The following USP33 variants were observed in gnomAD, a reference collection of about 807,000 sequenced individuals.
USP33 encodes the protein ubiquitin specific peptidase 33, also known as ubiquitin carboxyl-terminal hydrolase 33.
In USP33, 46 loss-of-function variants were observed where a neutral mutation model predicts 124.2. That is an observed-to-expected ratio of 0.37 (90% CI 0.29 to 0.47). The LOEUF (loss-of-function observed/expected upper bound fraction) is 0.47. USP33 is among the 20% of genes least tolerant of loss of function. USP33 has a pLI of 0.99. For synonymous variants in USP33, 350 were observed against 352.3 expected (o/e 0.99, Z 0.07); for missense variants, 851 against 1,070.6 (o/e 0.79, Z 2.86).
At chr1:77,718,476 C>A in intron 16 of USP33, 120 bp downstream of exon 16, 4 of 803,226 alleles carry the variant, frequency 5.0e-6, no homozygotes, top group South Asian at 3.2e-5. Context: ...CTTAAAAAGG[C>A]ATGCATAGCA....
chr1:77,757,748 C>T (rs1680933665), intron 1 of USP33, among the ~76,000 whole-genome samples: 1 of 152,176 alleles, frequency 6.6e-6, no homozygotes, highest in Non-Finnish European at 1.5e-5. Context: ...TCAAAAGCTG[C>T]TTTGGCAACA....
At chr1:77,725,521 AATC>A in intron 11 of USP33, 98 bp downstream of exon 11, 1 of 1,443,024 alleles carries the variant, frequency 6.9e-7, no homozygotes. Flanking sequence ...TAAAAGATCA[AATC>A]ATATTTCATA....
chr1:77,711,774 T>C lies in USP33; in HGVS notation c.2379A>G (p.Arg793=). ...QIEAEKIEKR[R]KTELEIFIRL... is the part of the protein sequence containing the mutation. ...GAATAAAAATTTCCAATTCAGTTTT[T>C]CTTCTTTTTTCAATTTTCTCCGCCT... Residue 793 remains arginine, a synonymous_variant, in exon 21 of 24, where the codon AGA becomes AGG. Transcript: ENST00000370794. The C allele has an allele frequency of 6.2e-7, 1 of 1,609,412 alleles. No homozygotes were observed. The highest frequency in any genetic ancestry group is 8.5e-7 in the Non-Finnish European group (1 of 1,178,942).
intron 20 of USP33, among the ~76,000 whole-genome samples, chr1:77,712,438 G>A (rs557332391): frequency 2.1e-3 from 315 of 152,208 alleles, no homozygotes; most frequent in Middle Eastern, 0.014. Context: ...GCACAAAATC[G>A]CTTGAAACTG....
chr1:77,719,981 A>T (rs1484436647), intron 15 of USP33, among the ~76,000 whole-genome samples: 3 of 151,774 alleles, frequency 2.0e-5, no homozygotes, highest in African/African-American at 7.3e-5. Context: ...GGGCAACATG[A>T]CAAAACCCCA....
At chr1:77,716,522 G>A (rs1008455161) in intron 17 of USP33, among the ~76,000 whole-genome samples, 5 of 152,156 alleles carry the variant, frequency 3.3e-5, no homozygotes, top group Non-Finnish European at 5.9e-5. Flanking sequence ...AGTGAGACTC[G>A]CATTTATTCA....
chr1:77,724,738 A>C (rs1676966313), intron 11 of USP33, among the ~76,000 whole-genome samples: 1 of 152,184 alleles, frequency 6.6e-6, no homozygotes, highest in South Asian at 2.1e-4. Flanking sequence ...ACCAGTAGGT[A>C]AATAAACAGT....
intron 11 of USP33, among the ~76,000 whole-genome samples, chr1:77,724,919 G>A (rs1247805897): frequency 6.6e-6 from 1 of 152,072 alleles, no homozygotes; most frequent in Non-Finnish European, 1.5e-5. Flanking sequence ...GCGTGCACCT[G>A]TAGTCCCAGC....
At chr1:77,748,268 A>G (rs1679932081) in intron 1 of USP33, among the ~76,000 whole-genome samples, 2 of 152,168 alleles carry the variant, frequency 1.3e-5, no homozygotes, top group Non-Finnish European at 2.9e-5. Context: ...ACTGAATACA[A>G]ATGTGATCAT....
intron 21 of USP33, among the ~76,000 whole-genome samples, chr1:77,709,752 T>C (rs1185863403): frequency 6.6e-6 from 1 of 151,710 alleles, no homozygotes; most frequent in Non-Finnish European, 1.5e-5. Context: ...TAGATATAGA[T>C]ATCTATATAA....
intron 6 of USP33, among the ~76,000 whole-genome samples, chr1:77,734,852 A>G (rs939179322): frequency 2.6e-5 from 4 of 152,274 alleles, no homozygotes; most frequent in African/African-American, 9.6e-5. Context: ...TGCCGGGCGC[A>G]GTGGCTCACG....
chr1:77,728,897 A>G (rs116698924), intron 9 of USP33, among the ~76,000 whole-genome samples, 185 bp from the exon 10 acceptor site: 203 of 152,246 alleles, frequency 1.3e-3, no homozygotes, highest in African/African-American at 4.7e-3. Context: ...AAAGTTATGT[A>G]AATAAAAGTT....
In USP33 at chr1:77,723,283, A is replaced by G. The variant is rs768621232; in HGVS notation, c.1389+48T>C. ...CACATCATCTTGTCACATTTTTAAAAATCATTTGACACGAATTTTCTGTGT... is the reference window on the plus strand; with the variant it reads ...CACATCATCTTGTCACATTTTTAAAGATCATTTGACACGAATTTTCTGTGT... On this transcript the variant is annotated intron_variant, in intron 12 of 23. Coordinates refer to ENST00000370794, the MANE Select transcript of USP33 (RefSeq NM_201624.3). 27 of 1,371,364 alleles carry G rather than the reference A, an allele frequency of 2.0e-5. No individual in the cohort carries two copies. In the African/African-American group the frequency reaches 3.2e-4, roughly 16 times the overall value. The allele number at this position is 1,371,364 out of a possible 1,614,324, so 84.9% of individuals were successfully genotyped here.
intron 17 of USP33, among the ~76,000 whole-genome samples, chr1:77,716,972 T>C (rs1207590762): frequency 1.3e-4 from 19 of 151,780 alleles, no homozygotes; most frequent in Admixed American, 1.2e-3. Flanking sequence ...TTCAAGCGAT[T>C]CTCCTGTCTC....
intron 21 of USP33, among the ~76,000 whole-genome samples, chr1:77,707,493 C>G (rs1674760129): frequency 6.6e-6 from 1 of 152,128 alleles, no homozygotes; most frequent in African/African-American, 2.4e-5. Context: ...ATGCAAATAC[C>G]CTTTTTTCAA....
intron 1 of USP33, among the ~76,000 whole-genome samples, chr1:77,750,577 G>A (rs930364615): frequency 2.7e-5 from 4 of 149,392 alleles, no homozygotes; most frequent in Admixed American, 6.7e-5. Flanking sequence ...AGCCAAGATT[G>A]CACCACTGCA....
intron 1 of USP33, among the ~76,000 whole-genome samples, chr1:77,751,105 G>A (rs944420870): frequency 1.3e-5 from 2 of 152,216 alleles, no homozygotes; most frequent in East Asian, 3.8e-4. Flanking sequence ...GACTCCTGTA[G>A]AAGCTTGTGA....
chr1:77,713,292 A>C lies in USP33; in HGVS notation c.2216-11T>G. On this transcript the variant is annotated splice_polypyrimidine_tract_variant and intron_variant, in intron 19 of 23. Coordinates refer to ENST00000370794, the MANE Select transcript of USP33 (RefSeq NM_201624.3). ...TTCTTGGAGGAACACCTAAAAAAAT[A>C]TATAAACATATCTGTTTCATGCTTT... is the stretch of plus-strand genomic sequence containing the variant. 1 of 1,563,148 alleles carries C rather than the reference A, an allele frequency of 6.4e-7. No homozygotes were observed. Among genetic ancestry groups the C allele is most frequent in the Non-Finnish European group, 8.6e-7 (1 of 1,160,568 alleles).
intron 22 of USP33, among the ~76,000 whole-genome samples, chr1:77,698,644 G>A (rs898820458): frequency 6.6e-6 from 1 of 151,726 alleles, no homozygotes; most frequent in African/African-American, 2.4e-5. Context: ...GGGACTACAG[G>A]CACCCACCAC....
Sources: gnomAD v4.1 joint callset for allele counts (sites outside exome capture counted in the v4.1 genomes callset) on GRCh38, gnomAD v4.1.1 for gene constraint, MANE v1.5 for transcripts, NCBI Gene and HGNC (gene_info 2026-07-23, HGNC 2026-07-21) for gene names.